MAP3K19: variants seen among roughly 807,000 people sequenced by gnomAD.
MAP3K19 encodes the protein mitogen-activated protein kinase kinase kinase 19.
Under a neutral mutation model 114.4 loss-of-function variants are expected in MAP3K19, and 91 were observed. The ratio of observed to expected loss-of-function variants is 0.80; its 90% CI spans 0.67 to 0.95. The LOEUF (loss-of-function observed/expected upper bound fraction) is 0.95, where lower values mean the gene tolerates loss of function less well. Among genes scored for constraint, MAP3K19 ranks in the 40% least tolerant of loss-of-function variants. The pLI is 0.00. For synonymous variants in MAP3K19, 518 were observed against 530.5 expected (o/e 0.98, Z 0.32); for missense variants, 1,471 against 1,573.2 (o/e 0.94, Z 1.10).
intron 6 of MAP3K19, among the ~76,000 whole-genome samples, chr2:135,003,542 G>GT (rs149591655): frequency 2.2e-4 from 34 of 151,452 alleles, no homozygotes; most frequent in African/African-American, 8.3e-4. Flanking sequence ...TGAGAAAATA[G>GT]TGTTTGTTTG....
At chr2:134,969,351 GGAGAGGGAGACCGTGGGGAGAGGGAGAC>G (rs957328114) in intron 12 of MAP3K19, among the ~76,000 whole-genome samples, 1 of 152,034 alleles carries the variant, frequency 6.6e-6, no homozygotes, top group Non-Finnish European at 1.5e-5. Context: ...GGAAAGAGAG[GGAGAGGGAGACCGTGGGGAGAGGGAGAC>G]GAGAGGGAGA....
At position 134,981,392 on chromosome 2, in the gene MAP3K19, C is replaced by T. The variant is rs1305979505; in HGVS notation, c.3349G>A (p.Ala1117Thr). 1 of 1,614,218 alleles carries T rather than the reference C, an allele frequency of 6.2e-7. No individual in the cohort carries two copies. Among genetic ancestry groups the T allele is most frequent in the East Asian group, 2.2e-5 (1 of 44,880 alleles). ...KLQEEVDLLK[A>T]LKHVNIVAYL... ...GCCACAATGTTGACATGTTTCAGTGCTTTGAGCAAATCTACTTCTTCCTGT... is the reference window on the plus strand; with the variant it reads ...GCCACAATGTTGACATGTTTCAGTGTTTTGAGCAAATCTACTTCTTCCTGT... The change falls in exon 12 of 13, where the codon GCA (alanine) becomes ACA (threonine). Residue 1117 changes from alanine (A) to threonine (T), a missense_variant. Physicochemically the swap from Ala to Thr is moderately conservative, Grantham distance 58. Transcript: ENST00000392915.
chr2:135,022,343 G>A (rs1019946401), intron 4 of MAP3K19, among the ~76,000 whole-genome samples: 1 of 152,162 alleles, frequency 6.6e-6, no homozygotes, highest in Non-Finnish European at 1.5e-5. Flanking sequence ...AGCAGTTCAA[G>A]GTTAGGGAAT....
rs568920547 is a variant in MAP3K19, at chr2:134,990,216, T to G, written c.618+1321A>C. On this transcript the variant is annotated intron_variant, in intron 9 of 12. Transcript: ENST00000392915. ...GCTACTCTAGGAACTATATGTGAGT[T>G]GTTGTTTTTCCAAGAAATACAGTTG... Among the ~76,000 whole-genome samples, 261 of 152,270 alleles carry G rather than the reference T, an allele frequency of 1.7e-3. 1 individual carries two copies. Among genetic ancestry groups the G allele is most frequent in the African/African-American group, 5.3e-3 (219 of 41,546 alleles).
chr2:135,036,677 GT>G (rs1688537148), intron 2 of MAP3K19, among the ~76,000 whole-genome samples: 1 of 143,012 alleles, frequency 7.0e-6, no homozygotes, highest in Non-Finnish European at 1.5e-5. Context: ...GTGTGTGTGT[GT>G]GTGATATGTG....
intron 6 of MAP3K19, among the ~76,000 whole-genome samples, chr2:135,003,345 C>T (rs1686586001): frequency 1.3e-5 from 2 of 152,126 alleles, no homozygotes; most frequent in African/African-American, 4.8e-5. Flanking sequence ...TCAAAATTCC[C>T]TTCCTTTTTA....
At chr2:134,992,881 A>G (rs571888951) in intron 8 of MAP3K19, among the ~76,000 whole-genome samples, 2 of 151,918 alleles carry the variant, frequency 1.3e-5, no homozygotes, top group Non-Finnish European at 2.9e-5. Flanking sequence ...GGGTTTCACT[A>G]TGTTGGCTAG....
chr2:135,035,063 C>A (rs1688497150), intron 2 of MAP3K19, among the ~76,000 whole-genome samples: 1 of 151,994 alleles, frequency 6.6e-6, no homozygotes, highest in Non-Finnish European at 1.5e-5. Context: ...CAGGAGACCA[C>A]ATACTATATG....
intron 12 of MAP3K19, among the ~76,000 whole-genome samples, chr2:134,975,550 G>A (rs957756977): frequency 6.6e-6 from 1 of 152,144 alleles, no homozygotes; most frequent in Non-Finnish European, 1.5e-5. Flanking sequence ...CAGGGCCCTG[G>A]CATGATGATT....
chr2:134,969,250 G>T (rs1240711303), intron 12 of MAP3K19, among the ~76,000 whole-genome samples: 3 of 152,170 alleles, frequency 2.0e-5, no homozygotes, highest in Non-Finnish European at 4.4e-5. Context: ...CACTCGGCAG[G>T]CTGAGGCAGG....
rs140516485 is a variant in MAP3K19, at chr2:135,020,299, G to A, written c.138+1416C>T. 7.0e-3 allele frequency among the ~76,000 whole-genome samples: 1,060 copies of A among 152,218 alleles called. 12 individuals carry two copies. The highest frequency in any genetic ancestry group is 0.024 in the African/African-American group (990 of 41,520). On this transcript the variant is annotated intron_variant, in intron 5 of 12. Coordinates refer to ENST00000392915, the MANE Select transcript of MAP3K19 (RefSeq NM_025052.5). ...CTCCCAAAGTGCTGGGATTACTGGC[G>A]TGAGCCACCGTGCCTGTCTCTTTCT...
chr2:135,031,608 C>T (rs1304167822), intron 2 of MAP3K19, among the ~76,000 whole-genome samples: 1 of 152,104 alleles, frequency 6.6e-6, no homozygotes, highest in Non-Finnish European at 1.5e-5. Context: ...ATAATCAGGT[C>T]AGTGTTTTAG....
intron 12 of MAP3K19, among the ~76,000 whole-genome samples, chr2:134,975,357 C>T (rs572781350): frequency 3.0e-4 from 46 of 152,206 alleles, no homozygotes; most frequent in African/African-American, 1.1e-3. Context: ...CTGGATGGGC[C>T]GGTCCTCAGG....
chr2:135,035,030 T>C (rs1305630734), intron 2 of MAP3K19, among the ~76,000 whole-genome samples: 3 of 152,196 alleles, frequency 2.0e-5, no homozygotes, highest in African/African-American at 4.8e-5. Flanking sequence ...GAAAACATTA[T>C]GCTAAGTGAA....
In MAP3K19 at chr2:135,000,596, A is replaced by G. The variant is rs1686369215; in HGVS notation, c.236-581T>C. ...TTCATTCCTTTTTTCCATTTAACGA[A>G]CTTTTATTAAGGATATGCCAAGCCC... On this transcript the variant is annotated intron_variant, in intron 6 of 12. Transcript: ENST00000392915. 3.3e-5 allele frequency among the ~76,000 whole-genome samples: 5 copies of G among 152,324 alleles called. No individual in the cohort carries two copies. In the South Asian group the frequency reaches 1.0e-3, roughly 32 times the overall value.
chr2:134,998,683 A>G, intron 8 of MAP3K19, 55 bp downstream of exon 8: 4 of 1,518,988 alleles, frequency 2.6e-6, no homozygotes, highest in Non-Finnish European at 3.5e-6. Context: ...CTGGCACAAT[A>G]CATAAATATT....
At chr2:134,975,458 G>A (rs1684171032) in intron 12 of MAP3K19, among the ~76,000 whole-genome samples, 1 of 152,124 alleles carries the variant, frequency 6.6e-6, no homozygotes, top group South Asian at 2.1e-4. Context: ...AGGGCTGCTG[G>A]GCCAGGCTTG....
chr2:135,017,998 G>A (rs1055554776), intron 5 of MAP3K19, among the ~76,000 whole-genome samples: 1 of 152,170 alleles, frequency 6.6e-6, no homozygotes, highest in Non-Finnish European at 1.5e-5. Flanking sequence ...TCTTAGAATT[G>A]ATAGTAGTTT....
At chr2:135,028,514 C>A (rs1216445034) in intron 3 of MAP3K19, among the ~76,000 whole-genome samples, 1 of 149,464 alleles carries the variant, frequency 6.7e-6, no homozygotes, top group Admixed American at 6.7e-5. Context: ...GCTGTGATCA[C>A]GCCACTGCAC....
Sources: gnomAD v4.1 joint callset for allele counts (sites outside exome capture counted in the v4.1 genomes callset) on GRCh38, gnomAD v4.1.1 for gene constraint, MANE v1.5 for transcripts, NCBI Gene and HGNC (gene_info 2026-07-23, HGNC 2026-07-21) for gene names.